Variants in FAM120B observed in about 807,000 individuals in gnomAD.
FAM120B encodes the protein constitutive coactivator of peroxisome proliferator-activated receptor gamma.
A neutral mutation model predicts 96.3 loss-of-function variants in FAM120B; 83 were observed. That is an observed-to-expected ratio of 0.86 (90% confidence interval 0.72 to 1.03). FAM120B has a LOEUF of 1.03. FAM120B is among the 50% of genes least tolerant of loss of function. The pLI is 0.00. For synonymous variants in FAM120B, 407 were observed against 402.7 expected (o/e 1.01, Z -0.13); for missense variants, 1,027 against 1,121.2 (o/e 0.92, Z 1.20).
At chr6:170,401,819 A>C (rs540972000) in intron 9 of FAM120B, among the ~76,000 whole-genome samples, 2 of 152,364 alleles carry the variant, frequency 1.3e-5, no homozygotes, top group South Asian at 4.1e-4. Flanking sequence ...ATATTCCAAA[A>C]TCTGAAAAAA....
At chr6:170,350,732 C>T (rs950406287) in intron 5 of FAM120B, among the ~76,000 whole-genome samples, 2 of 147,058 alleles carry the variant, frequency 1.4e-5, no homozygotes, top group African/African-American at 2.6e-5. Flanking sequence ...AAACAGAAAA[C>T]AACAACATCA....
Position 170,317,626 on chromosome 6 carries a change from C to T in FAM120B, c.236C>T (p.Thr79Met), listed in dbSNP as rs776380252. Reference sequence around the variant, plus strand: ...TTGCGAGATTTTGTTAAAACTTTTACGGCAGCTGGGATCAAGTTGATATTC... The same window carrying T: ...TTGCGAGATTTTGTTAAAACTTTTATGGCAGCTGGGATCAAGTTGATATTC... ...SALRDFVKTFTAAGIKLIFFF... is the reference protein window; with the variant it reads ...SALRDFVKTFMAAGIKLIFFF... The change falls in exon 2 of 11, where the codon ACG (threonine) becomes ATG (methionine). Residue 79 changes from threonine (T) to methionine (M), a missense_variant. This residue lies in a region of FAM120B where 880 missense variants were observed against 980.9 expected (regional missense o/e 0.90). Transcript: ENST00000476287. 2.4e-5 allele frequency: 38 copies of T among 1,614,002 alleles called. 1 individual carries two copies. The highest frequency in any genetic ancestry group is 1.5e-4 in the South Asian group (14 of 91,084).
At position 170,391,117 on chromosome 6, in the gene FAM120B, C is replaced by T. The variant is rs748925671; in HGVS notation, c.2595C>T (p.His865=). ...GCCGAGCCCACTGGGGCTCACACCA[C>T]GCAGGTGGGAAAGGGCCAGGTGCCT... The part of the protein sequence containing the change: ...ITGRAHWGSH[H]AGRWGRQGSS... The change falls in exon 8 of 11, where the codon CAC becomes CAT. Residue 865 remains histidine, a synonymous_variant. Coordinates refer to ENST00000476287, the MANE Select transcript of FAM120B (RefSeq NM_032448.3). 3.7e-6 allele frequency: 6 copies of T among 1,612,780 alleles called. No individual in the cohort carries two copies. The highest frequency in any genetic ancestry group is 2.7e-5 in the African/African-American group (2 of 75,036).
chr6:170,385,150 C>T (rs1790117688), intron 6 of FAM120B, among the ~76,000 whole-genome samples: 1 of 152,078 alleles, frequency 6.6e-6, no homozygotes, highest in Non-Finnish European at 1.5e-5. Flanking sequence ...TTTTTCTGTC[C>T]ACAGTAAGCT....
chr6:170,361,418 A>G (rs933582057), intron 6 of FAM120B, among the ~76,000 whole-genome samples: 28 of 152,010 alleles, frequency 1.8e-4, no homozygotes, highest in African/African-American at 6.5e-4. Context: ...AGTAAAGGAA[A>G]GAAGAAAGAA....
intron 1 of FAM120B, among the ~76,000 whole-genome samples, chr6:170,307,163 C>G (rs1017125805): frequency 6.6e-6 from 1 of 152,236 alleles, no homozygotes; most frequent in Non-Finnish European, 1.5e-5. Flanking sequence ...GACCCCTACT[C>G]CCTCCCTTAA....
chr6:170,301,365 G>C (rs999879023), intron 1 of FAM120B, among the ~76,000 whole-genome samples: 15 of 152,170 alleles, frequency 9.9e-5, no homozygotes, highest in African/African-American at 3.6e-4. Context: ...ACACAGAAAG[G>C]GGGGGCCTGG....
chr6:170,302,274 A>G (rs1412472720), upstream of FAM120B, among the ~76,000 whole-genome samples: 1 of 152,150 alleles, frequency 6.6e-6, no homozygotes, highest in Non-Finnish European at 1.5e-5. Context: ...GCCCCTTATA[A>G]AACCATCAGG....
intron 6 of FAM120B, among the ~76,000 whole-genome samples, chr6:170,375,914 G>A (rs1305455764): frequency 1.3e-5 from 2 of 152,158 alleles, no homozygotes; most frequent in African/African-American, 2.4e-5. Flanking sequence ...GGGAAGGAGC[G>A]GGACTGTTTG....
At chr6:170,305,468 G>A (rs9366200), upstream of FAM120B, among the ~76,000 whole-genome samples, 15,692 of 152,220 alleles carry the variant, frequency 0.1, 1,029 homozygotes, top group East Asian at 0.2. Flanking sequence ...ATTTGGTAAT[G>A]TTTTCTGAGT....
upstream of FAM120B, among the ~76,000 whole-genome samples, chr6:170,304,162 T>C (rs924907327): frequency 6.6e-6 from 1 of 152,236 alleles, no homozygotes; most frequent in Admixed American, 6.5e-5. Flanking sequence ...TATCTGAAAA[T>C]ATCTACATCC....
intron 9 of FAM120B, among the ~76,000 whole-genome samples, chr6:170,398,116 G>C (rs11966006): frequency 0.014 from 2,203 of 152,364 alleles, 67 homozygotes; most frequent in African/African-American, 0.051. Context: ...GCCTGTCACA[G>C]AGGAAACTGT....
At chr6:170,304,586 C>T (rs1784214513), upstream of FAM120B, among the ~76,000 whole-genome samples, 1 of 152,144 alleles carries the variant, frequency 6.6e-6, no homozygotes, top group Admixed American at 6.5e-5. Context: ...GCGATACCAT[C>T]GAATCCATCT....
chr6:170,352,095 A>T (rs1562556690), intron 5 of FAM120B, among the ~76,000 whole-genome samples: 1 of 152,350 alleles, frequency 6.6e-6, no homozygotes, highest in East Asian at 1.9e-4. Flanking sequence ...TTGGAAGAAA[A>T]TTTACCAAGC....
At chr6:170,313,082 G>A (rs141677232) in intron 1 of FAM120B, among the ~76,000 whole-genome samples, 134 of 152,326 alleles carry the variant, frequency 8.8e-4, no homozygotes, top group African/African-American at 3.1e-3. Context: ...AAGCTCAGCA[G>A]TTTAATGACC....
upstream of FAM120B, among the ~76,000 whole-genome samples, chr6:170,292,384 CCT>C (rs1291126316): frequency 6.6e-6 from 1 of 152,134 alleles, no homozygotes; most frequent in Non-Finnish European, 1.5e-5. The surrounding 1 kb of genome is among the most constrained non-coding windows in gnomAD (Gnocchi z 6.6). Context: ...TGCACTTCTC[CCT>C]CTCTTTACCA....
intron 8 of FAM120B, 92 bp downstream of exon 8, chr6:170,391,213 C>A (rs1311825247): frequency 1.1e-6 from 1 of 874,422 alleles, no homozygotes; most frequent in African/African-American, 1.7e-5. Flanking sequence ...TAAGAAGAGG[C>A]TGATATAATT....
chr6:170,291,710 C>T (rs1003801134), upstream of FAM120B, among the ~76,000 whole-genome samples: 27 of 152,132 alleles, frequency 1.8e-4, no homozygotes, highest in African/African-American at 6.5e-4. Flanking sequence ...CGGGCGGGGC[C>T]GGGACGCCCC....
At chr6:170,328,379 A>C (rs1785746746) in intron 3 of FAM120B, among the ~76,000 whole-genome samples, 1 of 152,104 alleles carries the variant, frequency 6.6e-6, no homozygotes, top group African/African-American at 2.4e-5. Flanking sequence ...TCCATCACTA[A>C]CCAAATCATG....
Sources: gnomAD v4.1 joint callset for allele counts (sites outside exome capture counted in the v4.1 genomes callset) on GRCh38, gnomAD v4.1.1 for gene constraint, gnomAD v4.1.1 regional missense constraint, Gnocchi (gnomAD v3.1) non-coding constraint, MANE v1.5 for transcripts, NCBI Gene and HGNC (gene_info 2026-07-23, HGNC 2026-07-21) for gene names.